Variants in RALYL observed in about 807,000 individuals in gnomAD.
The protein encoded by RALYL is RALY RNA binding protein like.
In RALYL, 29 loss-of-function variants were observed where a neutral mutation model predicts 35.1. That is an observed-to-expected ratio of 0.83 (90% confidence interval 0.61 to 1.13). RALYL has a LOEUF of 1.13. RALYL is among the 50% of genes most tolerant of loss of function. The pLI, the probability that RALYL is intolerant of heterozygous loss-of-function variation, is 0.00. For missense variants in RALYL, 359 were observed against 360.4 expected, an observed-to-expected ratio of 1.00 and a Z score of 0.03; for synonymous variants, 120 against 127.6, an observed-to-expected ratio of 0.94 and a Z score of 0.40.
chr8:84,563,205 A>C (rs2061571697), intron 2 of RALYL, among the ~76,000 whole-genome samples: 1 of 151,874 alleles, frequency 6.6e-6, no homozygotes, highest in South Asian at 2.1e-4. Flanking sequence ...CTGGTGTATC[A>C]CAGAACCACA....
At chr8:84,554,949 CTTTT>C (rs926889029) in intron 2 of RALYL, among the ~76,000 whole-genome samples, 23 of 152,066 alleles carry the variant, frequency 1.5e-4, no homozygotes, top group African/African-American at 5.3e-4. Context: ...AGTCATAACT[CTTTT>C]TTTACCTTTA....
chr8:84,426,705 T>C (rs2046515810), intron 1 of RALYL, among the ~76,000 whole-genome samples: 1 of 152,078 alleles, frequency 6.6e-6, no homozygotes, highest in Non-Finnish European at 1.5e-5. Flanking sequence ...GGCCAACAGA[T>C]TAATGAGCAC....
intron 2 of RALYL, among the ~76,000 whole-genome samples, chr8:84,745,977 G>T (rs1452225487): frequency 2.6e-5 from 4 of 151,938 alleles, no homozygotes; most frequent in Non-Finnish European, 4.4e-5. Context: ...GAGTTGCAGG[G>T]TATCTCTTGA....
chr8:84,509,562 C>T (rs1295632593), intron 1 of RALYL, among the ~76,000 whole-genome samples: 2 of 152,092 alleles, frequency 1.3e-5, no homozygotes, highest in Non-Finnish European at 2.9e-5. Context: ...TGGATCGTGC[C>T]ATTGGTGCTG....
intron 3 of RALYL, among the ~76,000 whole-genome samples, chr8:84,789,559 A>T (rs1288739253): frequency 1.3e-5 from 2 of 152,164 alleles, no homozygotes; most frequent in East Asian, 3.9e-4. Context: ...ACATTATATG[A>T]TCTCATTGAA....
intron 1 of RALYL, among the ~76,000 whole-genome samples, chr8:84,195,967 T>C (rs1016337430): frequency 1.3e-5 from 2 of 152,194 alleles, no homozygotes; most frequent in Non-Finnish European, 2.9e-5. Flanking sequence ...GAGAGTGAAG[T>C]TTATCCTGGA....
intron 1 of RALYL, among the ~76,000 whole-genome samples, chr8:84,357,777 A>G (rs1475236546): frequency 1.4e-5 from 2 of 147,434 alleles, no homozygotes; most frequent in Middle Eastern, 3.6e-3. Context: ...AAATATATAT[A>G]TTTATATATT....
intron 2 of RALYL, among the ~76,000 whole-genome samples, chr8:84,728,385 G>C (rs1254248708): frequency 6.6e-6 from 1 of 152,034 alleles, no homozygotes; most frequent in African/African-American, 2.4e-5. Flanking sequence ...CCCTTTGTCA[G>C]ATGAGAAGGT....
chr8:84,694,704 A>G (rs768923687), intron 2 of RALYL, among the ~76,000 whole-genome samples: 2 of 152,000 alleles, frequency 1.3e-5, no homozygotes, highest in Non-Finnish European at 2.9e-5. Context: ...ACTTTAAAAT[A>G]TATTACAAAG....
intron 2 of RALYL, among the ~76,000 whole-genome samples, chr8:84,645,990 T>C (rs1287497526): frequency 1.3e-5 from 2 of 152,064 alleles, no homozygotes; most frequent in Non-Finnish European, 1.5e-5. Context: ...CCTTAATACA[T>C]CCTTTCAAGA....
In RALYL at chr8:84,921,015, T is replaced by A. The variant is rs910062555; in HGVS notation, c.*104T>A. Reference sequence around the variant, plus strand: ...CTGGACAGCAGCATCTTTGGTTCAATTTATATAAAAACCCAAATAAATAAA... The same window carrying A: ...CTGGACAGCAGCATCTTTGGTTCAAATTATATAAAAACCCAAATAAATAAA... On this transcript the variant is annotated 3_prime_UTR_variant, in exon 9 of 9. Coordinates refer to ENST00000521268, the MANE Select transcript of RALYL (RefSeq NM_173848.7). 1.7e-6 allele frequency: 1 copy of A among 590,322 alleles called. No homozygotes were observed. Among genetic ancestry groups the A allele is most frequent in the African/African-American group, 1.9e-5 (1 of 51,330 alleles). The allele number at this position is 590,322 out of a possible 1,614,324, so 36.6% of individuals were successfully genotyped here.
At chr8:84,652,083 A>T (rs1828960137) in intron 2 of RALYL, among the ~76,000 whole-genome samples, 1 of 152,074 alleles carries the variant, frequency 6.6e-6, no homozygotes, top group African/African-American at 2.4e-5. Flanking sequence ...CTGTGATTGC[A>T]CATAGGAATC....
At chr8:84,249,972 A>G (rs1829863196) in intron 1 of RALYL, among the ~76,000 whole-genome samples, 1 of 151,990 alleles carries the variant, frequency 6.6e-6, no homozygotes, top group Non-Finnish European at 1.5e-5. Context: ...AAGTATTTTG[A>G]AAAATGTTCC....
intron 1 of RALYL, among the ~76,000 whole-genome samples, chr8:84,504,094 C>T (rs2056955274): frequency 6.6e-6 from 1 of 151,356 alleles, no homozygotes; most frequent in Non-Finnish European, 1.5e-5. Context: ...AGATACTTAA[C>T]TAAAATAAAA....
At chr8:84,205,970 T>A (rs1480837555) in intron 1 of RALYL, among the ~76,000 whole-genome samples, 1 of 152,176 alleles carries the variant, frequency 6.6e-6, no homozygotes, top group Non-Finnish European at 1.5e-5. Flanking sequence ...TGGCCTTTCC[T>A]GTGGGTGCAT....
intron 2 of RALYL, among the ~76,000 whole-genome samples, chr8:84,609,149 C>G (rs1182147731): frequency 6.6e-6 from 1 of 152,018 alleles, no homozygotes; most frequent in African/African-American, 2.4e-5. Flanking sequence ...CATTGCTGCT[C>G]CATACATCAA....
intron 4 of RALYL, among the ~76,000 whole-genome samples, chr8:84,834,744 G>T (rs1014447939): frequency 6.6e-6 from 1 of 152,144 alleles, no homozygotes; most frequent in African/African-American, 2.4e-5. Flanking sequence ...CAATTGTAAT[G>T]CTCTAAACAT....
At chr8:84,561,732 C>G (rs116408486) in intron 2 of RALYL, among the ~76,000 whole-genome samples, 1 of 151,812 alleles carries the variant, frequency 6.6e-6, no homozygotes, top group Non-Finnish European at 1.5e-5. Flanking sequence ...AAGAGACTAA[C>G]GGGCATGTAG....
intron 2 of RALYL, among the ~76,000 whole-genome samples, chr8:84,753,300 T>A (rs1810524008): frequency 6.6e-6 from 1 of 152,198 alleles, no homozygotes; most frequent in African/African-American, 2.4e-5. Flanking sequence ...TGAAAGTATC[T>A]AACTTGATCT....
Sources: allele counts gnomAD v4.1 joint callset (sites outside exome capture counted in the v4.1 genomes callset), GRCh38; gene constraint gnomAD v4.1.1; transcripts MANE v1.5; gene names NCBI Gene and HGNC (gene_info 2026-07-23, HGNC 2026-07-21).